MARCHF1: variants seen among roughly 807,000 people sequenced by gnomAD.
MARCHF1 encodes the protein membrane associated ring-CH-type finger 1.
A neutral mutation model predicts 54.2 loss-of-function variants in MARCHF1; 40 were observed. The ratio of observed to expected loss-of-function variants is 0.74; its 90% CI spans 0.57 to 0.96. The LOEUF (loss-of-function observed/expected upper bound fraction) is 0.96. MARCHF1 is among the 40% of genes least tolerant of loss of function. The probability of loss-of-function intolerance (pLI) is 0.00; values close to 1 mark genes in which losing one functional copy is unlikely to be tolerated. For synonymous variants in MARCHF1, 236 were observed against 236.3 expected (o/e 1.00, Z 0.01); for missense variants, 586 against 656.5 (o/e 0.89, Z 1.17).
chr4:164,221,914 C>A (rs1251487300), intron 1 of MARCHF1, among the ~76,000 whole-genome samples: 2 of 151,976 alleles, frequency 1.3e-5, no homozygotes, highest in Admixed American at 1.3e-4. Flanking sequence ...CAGTTATAGT[C>A]ATTTCCTGAA....
intron 1 of MARCHF1, among the ~76,000 whole-genome samples, chr4:164,199,632 T>TCACACACACACA (rs376565727): frequency 1.7e-5 from 2 of 114,772 alleles, no homozygotes; most frequent in African/African-American, 3.4e-5. Flanking sequence ...CAGGACTCTG[T>TCACACACACACA]CACACACACA....
At chr4:164,147,440 T>C (rs1227724083) in intron 1 of MARCHF1, among the ~76,000 whole-genome samples, 2 of 128,796 alleles carry the variant, frequency 1.6e-5, no homozygotes, top group East Asian at 4.2e-4. Flanking sequence ...CCAACAATGA[T>C]AGACTGGATT....
At chr4:164,339,741 C>A (rs142000668) in intron 1 of MARCHF1, among the ~76,000 whole-genome samples, 1 of 151,986 alleles carries the variant, frequency 6.6e-6, no homozygotes, top group African/African-American at 2.4e-5. Context: ...AATAAATAGA[C>A]ACTAGAGAAC....
In MARCHF1 at chr4:163,617,836, G is replaced by C. The variant is rs771026530; in HGVS notation, c.163-4443C>G. On this transcript the variant is annotated intron_variant, in intron 5 of 9. Coordinates refer to ENST00000514618, the MANE Select transcript of MARCHF1 (RefSeq NM_001394959.1). ...TTATTATGTATGTGAACCACGTGAT[G>C]ATGAGCATCATAATGGATACCTATG... Among the ~76,000 whole-genome samples the C allele has an allele frequency of 1.8e-4, 28 of 152,140 alleles. 1 individual carries two copies. The highest frequency in any genetic ancestry group is 3.7e-4 in the Non-Finnish European group (25 of 68,026).
intron 3 of MARCHF1, among the ~76,000 whole-genome samples, chr4:163,875,740 ACT>A (rs1352492729): frequency 6.6e-6 from 1 of 152,126 alleles, no homozygotes; most frequent in Non-Finnish European, 1.5e-5. Flanking sequence ...AATTGTTAAG[ACT>A]CTCATGCAAC....
intron 5 of MARCHF1, among the ~76,000 whole-genome samples, chr4:163,650,343 A>G (rs919978482): frequency 6.6e-6 from 1 of 151,994 alleles, no homozygotes; most frequent in African/African-American, 2.4e-5. Context: ...GAAAAATACT[A>G]AGGTATTCAA....
At chr4:164,378,970 C>T (rs553767918) in intron 1 of MARCHF1, among the ~76,000 whole-genome samples, 44 of 152,288 alleles carry the variant, frequency 2.9e-4, no homozygotes, top group Non-Finnish European at 5.3e-4. Context: ...GCCTAGGCCT[C>T]CCAAAGTGCT....
At chr4:163,944,935 C>T (rs1477076691) in intron 3 of MARCHF1, among the ~76,000 whole-genome samples, 1 of 152,096 alleles carries the variant, frequency 6.6e-6, no homozygotes, top group Non-Finnish European at 1.5e-5. Context: ...TATTCATATT[C>T]CTAGGACCTA....
chr4:163,941,286 A>G (rs557796408), intron 3 of MARCHF1, among the ~76,000 whole-genome samples: 144 of 152,244 alleles, frequency 9.5e-4, no homozygotes, highest in African/African-American at 3.2e-3. Context: ...GGTTGTCAAG[A>G]AAAGCTTCAG....
chr4:163,675,836 A>G (rs557984426), intron 5 of MARCHF1, among the ~76,000 whole-genome samples: 7 of 152,214 alleles, frequency 4.6e-5, no homozygotes, highest in African/African-American at 1.7e-4. Context: ...AGCTTTCACC[A>G]TGTTTAGTGC....
intron 1 of MARCHF1, among the ~76,000 whole-genome samples, chr4:164,238,428 A>C (rs982529596): frequency 3.3e-5 from 5 of 152,126 alleles, no homozygotes; most frequent in African/African-American, 1.2e-4. Context: ...TTCAATTTGC[A>C]TGACTTTACA....
intron 3 of MARCHF1, among the ~76,000 whole-genome samples, chr4:163,944,007 A>G (rs1024233426): frequency 2.0e-5 from 3 of 151,534 alleles, no homozygotes; most frequent in Admixed American, 2.0e-4. Context: ...TTGCTCTATC[A>G]CCCAGGCTGG....
At chr4:163,570,375 G>T (rs1739802732) in intron 8 of MARCHF1, among the ~76,000 whole-genome samples, 2 of 152,108 alleles carry the variant, frequency 1.3e-5, no homozygotes, top group Admixed American at 6.6e-5. Flanking sequence ...TACTTTTACT[G>T]ACATCATTTT....
intron 1 of MARCHF1, among the ~76,000 whole-genome samples, chr4:164,252,254 C>T (rs1233080161): frequency 6.6e-6 from 1 of 152,108 alleles, no homozygotes; most frequent in Non-Finnish European, 1.5e-5. Context: ...TCTTCCCCTC[C>T]TGCATCAAAT....
intron 1 of MARCHF1, chr4:164,130,124 A>G (rs547504549): frequency 6.6e-6 from 1 of 152,264 alleles, no homozygotes; most frequent in East Asian, 1.9e-4. Flanking sequence ...AAATCACACT[A>G]CTTTATAAAC....
intron 4 of MARCHF1, among the ~76,000 whole-genome samples, chr4:163,733,198 T>TATATACAC (rs1745907312): frequency 3.4e-5 from 1 of 29,222 alleles, no homozygotes; most frequent in African/African-American, 1.0e-4. Context: ...TATATATATA[T>TATATACAC]ATATATATAT....
intron 7 of MARCHF1, among the ~76,000 whole-genome samples, chr4:163,606,152 G>T (rs564997932): frequency 6.6e-6 from 1 of 152,212 alleles, no homozygotes; most frequent in Non-Finnish European, 1.5e-5. Context: ...GCTGGAGCTA[G>T]AGCATTACCA....
chr4:164,141,396 C>T (rs1014516512), intron 1 of MARCHF1, among the ~76,000 whole-genome samples: 6 of 152,216 alleles, frequency 3.9e-5, no homozygotes, highest in African/African-American at 7.2e-5. Flanking sequence ...TAGACAACTA[C>T]TTACAAAGAA....
At chr4:164,291,803 T>C (rs1039662703) in intron 1 of MARCHF1, among the ~76,000 whole-genome samples, 1 of 152,060 alleles carries the variant, frequency 6.6e-6, no homozygotes, top group Non-Finnish European at 1.5e-5. Flanking sequence ...GGACCACCCC[T>C]GAATATGGAG....
Sources: allele counts gnomAD v4.1 joint callset (sites outside exome capture counted in the v4.1 genomes callset), GRCh38; gene constraint gnomAD v4.1.1; transcripts MANE v1.5; gene names NCBI Gene and HGNC (gene_info 2026-07-23, HGNC 2026-07-21).